Variants in EFNA5 observed in about 807,000 individuals in gnomAD.
EFNA5 encodes ephrin A5, also known as ephrin-A5.
In EFNA5, 5 loss-of-function variants were observed where a neutral mutation model predicts 22.9. The observed-to-expected ratio is 0.22, with a 90% CI of 0.11 to 0.46. EFNA5 has a LOEUF of 0.46. EFNA5 is among the 20% of genes least tolerant of loss of function. EFNA5 has a pLI of 0.99. For synonymous variants in EFNA5, 113 were observed against 112.2 expected, an observed-to-expected ratio of 1.01 and a Z score of -0.04; for missense variants, 237 against 293.3, an observed-to-expected ratio of 0.81 and a Z score of 1.40.
intron 1 of EFNA5, among the ~76,000 whole-genome samples, chr5:107,513,005 C>T (rs999304567): frequency 6.6e-6 from 1 of 152,108 alleles, no homozygotes; most frequent in Non-Finnish European, 1.5e-5. Context: ...AGGCTCTGCC[C>T]CTTCCTGATG....
At chr5:107,652,503 G>A (rs1750752884) in intron 1 of EFNA5, among the ~76,000 whole-genome samples, 1 of 151,954 alleles carries the variant, frequency 6.6e-6, no homozygotes, top group African/African-American at 2.4e-5. Flanking sequence ...TGATTGCCTT[G>A]GCAGTCAAAG....
chr5:107,390,618 T>C (rs1215339361), intron 2 of EFNA5, among the ~76,000 whole-genome samples: 1 of 151,980 alleles, frequency 6.6e-6, no homozygotes, highest in Non-Finnish European at 1.5e-5. Flanking sequence ...CTTATGGCTC[T>C]AGAGATACAT....
At chr5:107,410,435 G>A (rs973024040) in intron 2 of EFNA5, among the ~76,000 whole-genome samples, 3 of 151,974 alleles carry the variant, frequency 2.0e-5, no homozygotes, top group Non-Finnish European at 4.4e-5. Flanking sequence ...GATGATGAAT[G>A]GTATTAAAAT....
At chr5:107,572,260 T>A (rs7712188) in intron 1 of EFNA5, among the ~76,000 whole-genome samples, 35,242 of 151,504 alleles carry the variant, frequency 0.23, 8,157 homozygotes, top group African/African-American at 0.6. Flanking sequence ...AGCTCTCTGG[T>A]TTAGACCGGG....
At chr5:107,576,896 T>C (rs1212091360) in intron 1 of EFNA5, among the ~76,000 whole-genome samples, 1 of 152,184 alleles carries the variant, frequency 6.6e-6, no homozygotes, top group Non-Finnish European at 1.5e-5. Flanking sequence ...AGTCAAATTG[T>C]TGCACATATA....
intron 1 of EFNA5, among the ~76,000 whole-genome samples, chr5:107,529,408 T>G (rs957016873): frequency 6.6e-6 from 1 of 151,936 alleles, no homozygotes. Context: ...AAAAACCAAC[T>G]AGATAAGTAT....
intron 1 of EFNA5, among the ~76,000 whole-genome samples, chr5:107,541,421 T>C (rs1748046094): frequency 6.6e-6 from 1 of 152,214 alleles, no homozygotes; most frequent in Non-Finnish European, 1.5e-5. Context: ...CAGAAAAATG[T>C]AATCGAAGCC....
At chr5:107,664,160 A>T (rs1335829658) in intron 1 of EFNA5, among the ~76,000 whole-genome samples, 2 of 152,210 alleles carry the variant, frequency 1.3e-5, no homozygotes, top group Non-Finnish European at 2.9e-5. Context: ...ATTAGAAAAT[A>T]GCACACGGAT....
At chr5:107,662,592 GAATT>G (rs1554071923) in intron 1 of EFNA5, among the ~76,000 whole-genome samples, 2 of 151,980 alleles carry the variant, frequency 1.3e-5, no homozygotes, top group Non-Finnish European at 2.9e-5. Flanking sequence ...TAACAAATAT[GAATT>G]TACTTGTAAA....
intron 1 of EFNA5, among the ~76,000 whole-genome samples, chr5:107,428,318 A>C (rs1410757975): frequency 6.6e-6 from 1 of 152,170 alleles, no homozygotes; most frequent in Non-Finnish European, 1.5e-5. Flanking sequence ...CATGTTCTAG[A>C]GCTGGGCTGG....
chr5:107,420,522 TAA>T (rs368304882), intron 2 of EFNA5, among the ~76,000 whole-genome samples: 1 of 109,062 alleles, frequency 9.2e-6, no homozygotes, highest in African/African-American at 3.8e-5. Flanking sequence ...TCTGTGCTTT[TAA>T]AAAAAAAAAA....
intron 2 of EFNA5, among the ~76,000 whole-genome samples, chr5:107,406,722 C>T (rs1748232862): frequency 6.6e-6 from 1 of 152,188 alleles, no homozygotes; most frequent in South Asian, 2.1e-4. Flanking sequence ...TCCCAGCCTC[C>T]TGTCCCCAGT....
chr5:107,485,010 AG>A (rs1463359449), intron 1 of EFNA5, among the ~76,000 whole-genome samples: 1 of 152,028 alleles, frequency 6.6e-6, no homozygotes, highest in African/African-American at 2.4e-5. Context: ...AAAAAGAAAA[AG>A]AAAAAAAGGT....
intron 2 of EFNA5, among the ~76,000 whole-genome samples, chr5:107,406,088 CCT>C (rs1748208387): frequency 3.5e-4 from 43 of 121,528 alleles, no homozygotes; most frequent in South Asian, 1.5e-3. Flanking sequence ...TATACAAATA[CCT>C]ATATTTGTAT....
chr5:107,421,953 G>A (rs186911761), intron 2 of EFNA5, among the ~76,000 whole-genome samples: 30 of 152,108 alleles, frequency 2.0e-4, no homozygotes, highest in Non-Finnish European at 2.5e-4. Context: ...TACCACGCCC[G>A]TCTAATTTTG....
intron 1 of EFNA5, among the ~76,000 whole-genome samples, chr5:107,623,311 T>C (rs1309852740): frequency 6.6e-6 from 1 of 152,160 alleles, no homozygotes; most frequent in Non-Finnish European, 1.5e-5. Flanking sequence ...TTTGTTTTCA[T>C]GCAAATTTAT....
chr5:107,539,832 G>A (rs964298523), intron 1 of EFNA5, among the ~76,000 whole-genome samples: 14 of 152,100 alleles, frequency 9.2e-5, no homozygotes, highest in African/African-American at 3.4e-4. Context: ...TTAACTCTAT[G>A]GTTAATTAAA....
At chr5:107,506,584 G>T (rs537250467) in intron 1 of EFNA5, among the ~76,000 whole-genome samples, 99 of 152,278 alleles carry the variant, frequency 6.5e-4, no homozygotes, top group African/African-American at 2.3e-3. Flanking sequence ...AGGAGCAGGG[G>T]ATTTGAGAAA....
intron 1 of EFNA5, among the ~76,000 whole-genome samples, chr5:107,617,920 C>T (rs551460863): frequency 2.0e-5 from 3 of 152,032 alleles, no homozygotes; most frequent in Non-Finnish European, 4.4e-5. Context: ...CAGCTACTCA[C>T]GAAGCGGAGG....
Sources: allele counts gnomAD v4.1 joint callset (sites outside exome capture counted in the v4.1 genomes callset), GRCh38; gene constraint gnomAD v4.1.1; transcripts MANE v1.5; gene names NCBI Gene and HGNC (gene_info 2026-07-23, HGNC 2026-07-21).